PRR5L: variants seen among roughly 807,000 people sequenced by gnomAD.
PRR5L encodes the protein proline-rich protein 5-like.
In PRR5L, 21 loss-of-function variants were observed where a neutral mutation model predicts 36.4. That is an observed-to-expected ratio of 0.58 (90% CI 0.41 to 0.83). PRR5L has a LOEUF of 0.83. PRR5L is among the 40% of genes least tolerant of loss of function. The pLI, the probability that PRR5L is intolerant of heterozygous loss-of-function variation, is 0.00. For missense variants in PRR5L, 381 were observed against 473.3 expected (o/e 0.80, Z 1.81); for synonymous variants, 188 against 197.0 (o/e 0.95, Z 0.38).
chr11:36,419,337 C>T (rs1430591217), intron 4 of PRR5L, 34 bp downstream of exon 4: 4 of 1,588,748 alleles, frequency 2.5e-6, no homozygotes, highest in Middle Eastern at 3.3e-4. Context: ...CCATCATTAT[C>T]ATGCATGTGG....
At chr11:36,396,216 A>T (rs7112777) in intron 1 of PRR5L, 1 of 152,276 alleles carries the variant, frequency 6.6e-6, no homozygotes, top group Non-Finnish European at 1.5e-5. Flanking sequence ...CAGCTTTCCA[A>T]GCTTGGCCAA....
chr11:36,306,601 G>A (rs557973616), intron 1 of PRR5L, among the ~76,000 whole-genome samples: 47 of 152,178 alleles, frequency 3.1e-4, no homozygotes, highest in African/African-American at 8.7e-4. Context: ...TTCTAGAAGC[G>A]GAATTGCTGA....
chr11:36,317,061 G>A (rs1407522926), intron 1 of PRR5L, among the ~76,000 whole-genome samples: 7 of 152,174 alleles, frequency 4.6e-5, no homozygotes, highest in African/African-American at 1.7e-4. Flanking sequence ...GGCTCTGAAT[G>A]GGAAACTGGA....
At chr11:36,327,881 G>C (rs1176307026) in intron 1 of PRR5L, among the ~76,000 whole-genome samples, 1 of 152,108 alleles carries the variant, frequency 6.6e-6, no homozygotes, top group Non-Finnish European at 1.5e-5. Context: ...CTGCCTTTCT[G>C]GATTGAACCA....
At chr11:36,381,893 T>G (rs1857374798) in intron 1 of PRR5L, among the ~76,000 whole-genome samples, 1 of 151,986 alleles carries the variant, frequency 6.6e-6, no homozygotes, top group African/African-American at 2.4e-5. Context: ...GCGCGGTGGC[T>G]CACATCTGTA....
At chr11:36,388,699 T>TTTC (rs1857502975) in intron 1 of PRR5L, among the ~76,000 whole-genome samples, 1 of 67,144 alleles carries the variant, frequency 1.5e-5, no homozygotes, top group South Asian at 4.8e-4. Context: ...TCTTTCTTTC[T>TTTC]TTTTTTTTTT....
At chr11:36,310,192 C>T (rs190779289) in intron 1 of PRR5L, among the ~76,000 whole-genome samples, 2 of 152,176 alleles carry the variant, frequency 1.3e-5, no homozygotes, top group Admixed American at 6.5e-5. Flanking sequence ...CAGTGAATAA[C>T]AATAAGTACG....
chr11:36,328,402 T>C (rs1173914350), intron 1 of PRR5L, among the ~76,000 whole-genome samples: 3 of 152,134 alleles, frequency 2.0e-5, no homozygotes, highest in Non-Finnish European at 4.4e-5. Flanking sequence ...GTGCTGTTCT[T>C]GTGATAGAGT....
intron 3 of PRR5L, among the ~76,000 whole-genome samples, chr11:36,407,077 G>T (rs923063485): frequency 2.0e-5 from 3 of 152,292 alleles, no homozygotes; most frequent in Admixed American, 6.5e-5. Context: ...ATAAATATTA[G>T]CCATATGATT....
At chr11:36,340,536 C>T (rs1320791896) in intron 1 of PRR5L, among the ~76,000 whole-genome samples, 1 of 152,220 alleles carries the variant, frequency 6.6e-6, no homozygotes, top group Non-Finnish European at 1.5e-5. Flanking sequence ...GGTACTGTTA[C>T]ACTGGCACCA....
chr11:36,403,454 G>T, intron 3 of PRR5L, 76 bp downstream of exon 3: 2 of 1,044,680 alleles, frequency 1.9e-6, no homozygotes, highest in South Asian at 1.4e-5. Flanking sequence ...CGCCTTAGGA[G>T]CCTTAAGGGT....
intron 8 of PRR5L, among the ~76,000 whole-genome samples, 164 bp from the exon 9 acceptor site, chr11:36,462,178 C>T (rs1859199874): frequency 6.6e-6 from 1 of 152,156 alleles, no homozygotes; most frequent in Non-Finnish European, 1.5e-5. Flanking sequence ...GCAAGAGAAA[C>T]ATTTAGGTAT....
chr11:36,371,336 G>T (rs1198882279), intron 1 of PRR5L, among the ~76,000 whole-genome samples: 1 of 152,228 alleles, frequency 6.6e-6, no homozygotes, highest in Non-Finnish European at 1.5e-5. Flanking sequence ...CAGATGCTGA[G>T]CATATTTCTC....
chr11:36,437,585 C>A, intron 6 of PRR5L, 109 bp downstream of exon 6: 2 of 660,074 alleles, frequency 3.0e-6, no homozygotes, highest in Non-Finnish European at 2.7e-6. Context: ...GGAGATTGGG[C>A]GCTTGTATTG....
chr11:36,400,202 G>C (rs1857761594), intron 1 of PRR5L, among the ~76,000 whole-genome samples: 1 of 152,222 alleles, frequency 6.6e-6, no homozygotes, highest in Non-Finnish European at 1.5e-5. Context: ...GAAGGACTGT[G>C]CATGACATAG....
intron 1 of PRR5L, among the ~76,000 whole-genome samples, chr11:36,326,420 A>G (rs1440178620): frequency 6.6e-6 from 1 of 151,964 alleles, no homozygotes; most frequent in African/African-American, 2.4e-5. Flanking sequence ...AATACCCAAT[A>G]CACATTCAAT....
chr11:36,354,557 T>A (rs1392613205), intron 1 of PRR5L, among the ~76,000 whole-genome samples: 3 of 152,176 alleles, frequency 2.0e-5, no homozygotes, highest in African/African-American at 7.2e-5. Context: ...AAAGTAGAGG[T>A]CATTTTTTAA....
chr11:36,327,019 C>A (rs1006196252), intron 1 of PRR5L, among the ~76,000 whole-genome samples: 1 of 152,144 alleles, frequency 6.6e-6, no homozygotes, highest in Non-Finnish European at 1.5e-5. Flanking sequence ...TCTGTGCCCC[C>A]AGTTGGGGCC....
chr11:36,450,385 T>C (rs1858918403), intron 7 of PRR5L, among the ~76,000 whole-genome samples: 1 of 152,248 alleles, frequency 6.6e-6, no homozygotes, highest in Non-Finnish European at 1.5e-5. Context: ...TTTGCTTCTT[T>C]GCAGCCCCTC....
Sources: allele counts gnomAD v4.1 joint callset (sites outside exome capture counted in the v4.1 genomes callset), GRCh38; gene constraint gnomAD v4.1.1; transcripts MANE v1.5; gene names NCBI Gene and HGNC (gene_info 2026-07-23, HGNC 2026-07-21).